Variants in SLCO4A1 observed in about 807,000 individuals in gnomAD.
SLCO4A1 encodes the protein solute carrier organic anion transporter family member 4A1, also known as colon organic anion transporter.
SLCO4A1 carries 51 observed loss-of-function variants against 64.6 expected under a neutral mutation model. That is an observed-to-expected ratio of 0.79 (90% CI 0.63 to 1.00). The LOEUF (loss-of-function observed/expected upper bound fraction) is 1.00, where lower values mean the gene tolerates loss of function less well. SLCO4A1 is among the 50% of genes least tolerant of loss of function. SLCO4A1 has a pLI of 0.00. For missense variants in SLCO4A1, 919 were observed against 980.5 expected (o/e 0.94, Z 0.84); for synonymous variants, 471 against 444.9 (o/e 1.06, Z -0.74).
intron 5 of SLCO4A1, chr20:62,662,914 G>C (rs958198432): frequency 1.3e-5 from 2 of 152,280 alleles, no homozygotes; most frequent in African/African-American, 4.8e-5. Context: ...GGCTGGGGAA[G>C]GGAGGGCATG....
In SLCO4A1 at chr20:62,644,601, C is replaced by T. The variant is rs112431479; in HGVS notation, c.-97+2048C>T. On this transcript the variant is annotated intron_variant, in intron 1 of 11. Coordinates refer to ENST00000217159, the MANE Select transcript of SLCO4A1 (RefSeq NM_016354.4). The surrounding 1 kb of genome is among the most constrained non-coding windows in gnomAD (Gnocchi z 5.4). Reference sequence around the variant, plus strand: ...TGACCAAGCCCCATTGCAGTTTTGGCTCCAGGTCGGTCTGACTTCCAAATG... The same window carrying T: ...TGACCAAGCCCCATTGCAGTTTTGGTTCCAGGTCGGTCTGACTTCCAAATG... 4.9e-3 allele frequency among the ~76,000 whole-genome samples: 739 copies of T among 152,358 alleles called. 9 individuals carry two copies. The highest frequency in any genetic ancestry group is 0.016 in the African/African-American group (668 of 41,582).
chr20:62,687,195 A>G (rs893631236), downstream of SLCO4A1, among the ~76,000 whole-genome samples: 4 of 146,720 alleles, frequency 2.7e-5, no homozygotes, highest in Non-Finnish European at 4.5e-5. Context: ...GGAGCGATGG[A>G]AAGGGCACCC....
intron 2 of SLCO4A1, 107 bp downstream of exon 2, chr20:62,657,357 C>T (rs1452237702): frequency 9.2e-7 from 1 of 1,087,452 alleles, no homozygotes. Flanking sequence ...TTCGTGTACC[C>T]CTTGTCTGCA....
intron 2 of SLCO4A1, among the ~76,000 whole-genome samples, chr20:62,683,718 C>T (rs542870024): frequency 8.5e-5 from 13 of 152,122 alleles, no homozygotes; most frequent in Non-Finnish European, 1.8e-4. Context: ...CATGTGGCCT[C>T]GGAGTGTCGT....
chr20:62,659,416 G>A (rs1013263133), intron 3 of SLCO4A1, among the ~76,000 whole-genome samples: 1 of 152,188 alleles, frequency 6.6e-6, no homozygotes, highest in Non-Finnish European at 1.5e-5. Context: ...GCTGCACCTT[G>A]GGACTCTTTC....
At chr20:62,673,590 T>G (rs1987432512), downstream of SLCO4A1, among the ~76,000 whole-genome samples, 1 of 142,884 alleles carries the variant, frequency 7.0e-6, no homozygotes, top group Non-Finnish European at 1.6e-5. Flanking sequence ...GACCAGGTTA[T>G]AAGAGACCAC....
At chr20:62,658,610 C>A in intron 2 of SLCO4A1, 67 bp from the exon 3 acceptor site, 1 of 1,322,054 alleles carries the variant, frequency 7.6e-7, no homozygotes, top group Non-Finnish European at 1.1e-6. Flanking sequence ...AGGCACGGGG[C>A]CCCACACGGC....
At chr20:62,668,422 A>C in intron 9 of SLCO4A1, 55 bp from the exon 10 acceptor site, 1 of 1,568,052 alleles carries the variant, frequency 6.4e-7, no homozygotes, top group Non-Finnish European at 8.8e-7. Context: ...CTAGGGGGTG[A>C]CTTGGCATGC....
chr20:62,686,888 G>A (rs1236626488), downstream of SLCO4A1, among the ~76,000 whole-genome samples: 2 of 151,308 alleles, frequency 1.3e-5, no homozygotes, highest in Non-Finnish European at 2.9e-5. Context: ...CAATGGGAAG[G>A]GCACCCCCAA....
chr20:62,668,873 C>G, intron 10 of SLCO4A1, 57 bp from the exon 11 acceptor site: 1 of 1,554,090 alleles, frequency 6.4e-7, no homozygotes, highest in Non-Finnish European at 8.7e-7. Flanking sequence ...GCTGCCTGCC[C>G]CCTGCCTAGC....
Position 62,672,256 on chromosome 20 carries a change from A to C in SLCO4A1, c.*363A>C. ...GAAGGCTTGTGTGTCCTCAGTTAAAACTGTGCATATCGAAATATATTTTGT... is the reference window on the plus strand; with the variant it reads ...GAAGGCTTGTGTGTCCTCAGTTAAACCTGTGCATATCGAAATATATTTTGT... On this transcript the variant is annotated 3_prime_UTR_variant, in exon 12 of 12. Transcript: ENST00000217159. The C allele has an allele frequency of 1.7e-6, 2 of 1,193,080 alleles. No homozygotes were observed. The highest frequency in any genetic ancestry group is 5.4e-5 in the East Asian group (1 of 18,362). 73.9% of individuals were successfully genotyped at this position (1,193,080 alleles called of 1,614,324 possible). A position where few individuals can be genotyped will look rare whatever the true frequency, so the allele number is the denominator to read the frequency against.
At chr20:62,676,903 T>C (rs1987621803), downstream of SLCO4A1, among the ~76,000 whole-genome samples, 1 of 152,230 alleles carries the variant, frequency 6.6e-6, no homozygotes. Context: ...GTCAACTGGC[T>C]GATGAGTAGG....
intron 7 of SLCO4A1, 156 bp from the exon 8 acceptor site, chr20:62,667,576 CAGTGCCCAGTGTG>C (rs1986587905): frequency 4.2e-6 from 3 of 715,024 alleles, no homozygotes; most frequent in African/African-American, 3.6e-5. Context: ...CACCAGAAGG[CAGTGCCCAGTGTG>C]AGTGCCCAGC....
intron 11 of SLCO4A1, among the ~76,000 whole-genome samples, chr20:62,669,643 C>T (rs574539199): frequency 6.6e-6 from 1 of 152,292 alleles, no homozygotes; most frequent in Non-Finnish European, 1.5e-5. Context: ...TTGGAATTTG[C>T]CCCCATTAGA....
chr20:62,658,016 C>T (rs186334390), intron 2 of SLCO4A1, among the ~76,000 whole-genome samples: 41 of 152,202 alleles, frequency 2.7e-4, no homozygotes, highest in African/African-American at 6.0e-4. Flanking sequence ...ATGGCCCGTC[C>T]GACATGGCCG....
At chr20:62,674,383 G>A (rs1332503354), downstream of SLCO4A1, among the ~76,000 whole-genome samples, 1 of 152,222 alleles carries the variant, frequency 6.6e-6, no homozygotes, top group African/African-American at 2.4e-5. Flanking sequence ...GGAAGGCTGG[G>A]CAGATCCAAA....
Position 62,661,023 on chromosome 20 carries a change from G to GGGCCCCCCCCCCCCCC in SLCO4A1, c.1010-41_1010-40insGGCCCCCCCCCCCCCC. 5.5e-6 allele frequency: 4 copies of GGGCCCCCCCCCCCCCC among 732,788 alleles called. No individual in the cohort carries two copies. The highest frequency in any genetic ancestry group is 1.7e-5 in the African/African-American group (1 of 58,652). The allele number at this position is 732,788 out of a possible 1,614,324, so 45.4% of individuals were successfully genotyped here. A position where few individuals can be genotyped will look rare whatever the true frequency, so the allele number is the denominator to read the frequency against. On this transcript the variant is annotated intron_variant, in intron 4 of 11. Coordinates refer to ENST00000217159, the MANE Select transcript of SLCO4A1 (RefSeq NM_016354.4). The surrounding 1 kb of genome is among the most constrained non-coding windows in gnomAD (Gnocchi z 5.2). ...CTCTCGGAGAAGTCCACCTCCGGGA[G>GGGCCCCCCCCCCCCCC]CCCCCAGCCCCCAGCCCCAGCTCAC...
At chr20:62,642,654 G>C (rs1358953201) in intron 1 of SLCO4A1, 101 bp downstream of exon 1, 7 of 167,808 alleles carry the variant, frequency 4.2e-5, no homozygotes, top group Non-Finnish European at 8.9e-5. Flanking sequence ...GGGCTGGAGC[G>C]CCGGGGGGAT....
In SLCO4A1 at chr20:62,665,301, A is replaced by T. The variant is rs574788011; in HGVS notation, c.1276+213A>T. The stretch of plus-strand genomic sequence containing the variant: ...GGTGGTCCTGCCCTCTTTGTGGGAC[A>T]TGCTCCGTAGGTGGAAGGGTCCACG... On this transcript the variant is annotated intron_variant, in intron 6 of 11. Coordinates refer to ENST00000217159, the MANE Select transcript of SLCO4A1 (RefSeq NM_016354.4). 1.3e-5 allele frequency: 7 copies of T among 555,456 alleles called. No homozygotes were observed. The South Asian group carries it at 1.8e-4, about 14-fold the overall frequency. The allele number at this position is 555,456 out of a possible 1,614,324, so 34.4% of individuals were successfully genotyped here.
Sources: allele counts gnomAD v4.1 joint callset (sites outside exome capture counted in the v4.1 genomes callset), GRCh38; gene constraint gnomAD v4.1.1; non-coding constraint Gnocchi (gnomAD v3.1); transcripts MANE v1.5; gene names NCBI Gene and HGNC (gene_info 2026-07-23, HGNC 2026-07-21).